The following BTBD9 variants were observed in gnomAD, a reference collection of about 807,000 sequenced individuals.
BTBD9 encodes BTB/POZ domain-containing protein 9.
BTBD9 carries 49 observed loss-of-function variants against 64.3 expected under a neutral mutation model. The ratio of observed to expected loss-of-function variants is 0.76; its 90% CI spans 0.61 to 0.97. The LOEUF is 0.97. BTBD9 is among the 50% of genes least tolerant of loss of function. The pLI, the probability that BTBD9 is intolerant of heterozygous loss-of-function variation, is 0.00. For synonymous variants in BTBD9, 260 were observed against 274.7 expected (o/e 0.95, Z 0.53); for missense variants, 598 against 762.1 (o/e 0.78, Z 2.53).
At chr6:38,246,457 C>G (rs746355917) in intron 9 of BTBD9, among the ~76,000 whole-genome samples, 1 of 142,858 alleles carries the variant, frequency 7.0e-6, no homozygotes, top group Non-Finnish European at 1.5e-5. Flanking sequence ...CGCACGTGCA[C>G]GTACGTGTGT....
At chr6:38,609,413 T>C (rs540119110) in intron 1 of BTBD9, among the ~76,000 whole-genome samples, 24 of 152,160 alleles carry the variant, frequency 1.6e-4, no homozygotes, top group Non-Finnish European at 2.2e-4. Flanking sequence ...TCTCTAGACT[T>C]TTCCTATAAA....
At chr6:38,543,232 CA>C (rs34858628) in intron 6 of BTBD9, among the ~76,000 whole-genome samples, 27,937 of 152,186 alleles carry the variant, frequency 0.18, 2,607 homozygotes, top group Middle Eastern at 0.24. Context: ...CCTCTGACCA[CA>C]GAGGTATTCC....
At position 38,345,026 on chromosome 6, in the gene BTBD9, T is replaced by C. The variant is rs1446172368; in HGVS notation, c.1222A>G (p.Met408Val). 4 of 1,610,852 alleles carry C rather than the reference T, an allele frequency of 2.5e-6. No homozygotes were observed. The highest frequency in any genetic ancestry group is 3.4e-6 in the Non-Finnish European group (4 of 1,177,790). The stretch of plus-strand genomic sequence containing the variant: ...AGAGTGAAGGTTTTGTTTGTAAACA[T>C]ACATTCAAAAGCCACAATGTGAAAA... ...KIFHIVAFEC[M>V]FTNKTFTLEK... The change falls in exon 7 of 11, where the codon ATG (methionine) becomes GTG (valine). Residue 408 changes from methionine to valine, a missense_variant. Transcript: ENST00000481247.
intron 9 of BTBD9, among the ~76,000 whole-genome samples, chr6:38,254,818 T>C (rs889377495): frequency 1.3e-5 from 2 of 152,196 alleles, no homozygotes; most frequent in Non-Finnish European, 2.9e-5. Flanking sequence ...CTGGTGGGAA[T>C]GTAAAATGGT....
intron 6 of BTBD9, among the ~76,000 whole-genome samples, chr6:38,469,322 CTTTTT>C (rs11432881): frequency 7.8e-6 from 1 of 127,522 alleles, no homozygotes; most frequent in African/African-American, 2.9e-5. Flanking sequence ...TTTTTTTTTC[CTTTTT>C]TTTTTTTTTT....
chr6:38,618,578 AC>A (rs1269824547), intron 1 of BTBD9, among the ~76,000 whole-genome samples: 1 of 151,214 alleles, frequency 6.6e-6, no homozygotes, highest in Non-Finnish European at 1.5e-5. Context: ...GGACCACAAA[AC>A]CCCCCAGGCT....
intron 7 of BTBD9, among the ~76,000 whole-genome samples, chr6:38,329,197 G>A (rs533888387): frequency 1.9e-4 from 29 of 151,654 alleles, no homozygotes; most frequent in Admixed American, 1.2e-3. Context: ...CCTCTTTTGC[G>A]GTTATTATAA....
intron 9 of BTBD9, chr6:38,193,716 C>T (rs1762178943): frequency 7.3e-6 from 5 of 681,852 alleles, no homozygotes; most frequent in South Asian, 6.6e-5. Context: ...CCCTCCTCCG[C>T]TCTCACAGTG....
intron 6 of BTBD9, among the ~76,000 whole-genome samples, chr6:38,386,412 C>T (rs182886787): frequency 1.3e-3 from 203 of 152,034 alleles, no homozygotes; most frequent in African/African-American, 4.6e-3. Flanking sequence ...GTGAGATGCT[C>T]CAAAATATAA....
chr6:38,420,580 G>A (rs548803323), intron 6 of BTBD9, among the ~76,000 whole-genome samples: 33 of 152,122 alleles, frequency 2.2e-4, no homozygotes, highest in Non-Finnish European at 3.2e-4. Flanking sequence ...ATCCTAGGCC[G>A]GGCACAGTGG....
At chr6:38,337,789 C>T (rs997701512) in intron 7 of BTBD9, among the ~76,000 whole-genome samples, 1 of 152,178 alleles carries the variant, frequency 6.6e-6, no homozygotes, top group African/African-American at 2.4e-5. Context: ...TTCCCTTGTC[C>T]TACACTGGAT....
At chr6:38,188,854 C>G (rs895083719) in intron 10 of BTBD9, among the ~76,000 whole-genome samples, 4 of 152,182 alleles carry the variant, frequency 2.6e-5, no homozygotes, top group Admixed American at 2.6e-4. Flanking sequence ...CACTGTCTCT[C>G]GCGAAGTGCA....
intron 6 of BTBD9, among the ~76,000 whole-genome samples, chr6:38,463,794 G>A (rs562347174): frequency 6.6e-6 from 1 of 152,314 alleles, no homozygotes; most frequent in African/African-American, 2.4e-5. Context: ...CACTTTAGGA[G>A]GCCAAGGCAG....
chr6:38,358,249 A>G (rs1764810052), intron 6 of BTBD9, among the ~76,000 whole-genome samples: 1 of 151,888 alleles, frequency 6.6e-6, no homozygotes, highest in South Asian at 2.1e-4. Context: ...TCTCAAGCAG[A>G]GACAGGCTTG....
At chr6:38,581,299 T>C (rs1776275541) in intron 4 of BTBD9, among the ~76,000 whole-genome samples, 1 of 152,198 alleles carries the variant, frequency 6.6e-6, no homozygotes, top group African/African-American at 2.4e-5. Flanking sequence ...CAGAAATCTG[T>C]TAAAACAACA....
intron 6 of BTBD9, among the ~76,000 whole-genome samples, chr6:38,574,829 G>A (rs1274970353): frequency 1.3e-5 from 2 of 152,058 alleles, no homozygotes; most frequent in African/African-American, 4.8e-5. Flanking sequence ...ACAAGAATTT[G>A]AGAAGAGTTC....
rs948648516 is a variant in BTBD9, at chr6:38,311,495, C to T, written c.1265-23034G>A. Among the ~76,000 whole-genome samples, 4 of 152,302 alleles carry T rather than the reference C, an allele frequency of 2.6e-5. No homozygotes were observed. The East Asian group carries it at 7.7e-4, about 29-fold the overall frequency. On this transcript the variant is annotated intron_variant, in intron 7 of 10. Transcript: ENST00000481247. ...CATTCATCTATTGATGGAGACTTAA[C>T]GTTGCTTCCAAATCTTGGCTATTGT...
chr6:38,274,269 G>T (rs1765297895), intron 8 of BTBD9, among the ~76,000 whole-genome samples: 2 of 152,168 alleles, frequency 1.3e-5, no homozygotes, highest in South Asian at 4.1e-4. Context: ...TCAGCTTAAG[G>T]AGATTTTGGG....
intron 6 of BTBD9, among the ~76,000 whole-genome samples, chr6:38,455,987 T>C (rs1482365757): frequency 6.6e-6 from 1 of 150,786 alleles, no homozygotes; most frequent in Non-Finnish European, 1.5e-5. Flanking sequence ...CTTTTTTTTT[T>C]CTTTTTTTTC....
Sources: gnomAD v4.1 joint callset for allele counts (sites outside exome capture counted in the v4.1 genomes callset) on GRCh38, gnomAD v4.1.1 for gene constraint, MANE v1.5 for transcripts, NCBI Gene and HGNC (gene_info 2026-07-23, HGNC 2026-07-21) for gene names.